The following LRIF1 variants were observed in gnomAD, a reference collection of about 807,000 sequenced individuals.
The protein encoded by LRIF1 is ligand dependent nuclear receptor interacting factor 1.
In LRIF1, 32 loss-of-function variants were observed where a neutral mutation model predicts 52.7. That is an observed-to-expected ratio of 0.61 (90% CI 0.46 to 0.82). The LOEUF is 0.82. Ranked by LOEUF, LRIF1 falls within the 40% of genes least tolerant of loss-of-function variation. The probability of loss-of-function intolerance (pLI) is 0.00; values close to 1 mark genes in which losing one functional copy is unlikely to be tolerated. For synonymous variants in LRIF1, 323 were observed against 317.4 expected (o/e 1.02, Z -0.19); for missense variants, 887 against 892.0 (o/e 0.99, Z 0.07).
chr1:110,909,006 C>A, the LRIF1 span, among the ~76,000 whole-genome samples: 1 of 152,006 alleles, frequency 6.6e-6, no homozygotes. Context: ...AGGTCATGTA[C>A]AAGGGCTAAC....
the LRIF1 span, among the ~76,000 whole-genome samples, chr1:110,931,162 G>C: frequency 1.3e-5 from 2 of 152,202 alleles, no homozygotes; most frequent in Non-Finnish European, 2.9e-5. Context: ...AGGCCCTGCT[G>C]TGTGATGTTC....
intron 3 of LRIF1, among the ~76,000 whole-genome samples, 195 bp from the exon 4 acceptor site, chr1:110,948,594 A>G (rs1192425919): frequency 1.3e-5 from 2 of 152,230 alleles, no homozygotes; most frequent in African/African-American, 4.8e-5. Context: ...ATATTCAGTA[A>G]GAAGAAATTG....
the LRIF1 span, among the ~76,000 whole-genome samples, chr1:110,904,446 G>C: frequency 6.6e-6 from 1 of 152,200 alleles, no homozygotes; most frequent in Admixed American, 6.5e-5. Context: ...GAAAGAGAGA[G>C]AGAATCCCTT....
chr1:110,928,521 G>A, the LRIF1 span, among the ~76,000 whole-genome samples: 14,072 of 152,116 alleles, frequency 0.093, 764 homozygotes, highest in African/African-American at 0.15. Flanking sequence ...CCCTTTGTGT[G>A]TCTTAAACTC....
At chr1:110,886,866 TATA>T in the LRIF1 span, among the ~76,000 whole-genome samples, 27,850 of 84,140 alleles carry the variant, frequency 0.33, 3,877 homozygotes, top group African/African-American at 0.46. Context: ...TATATATATA[TATA>T]TTTTTTTTTT....
the LRIF1 span, among the ~76,000 whole-genome samples, chr1:110,915,219 C>T: frequency 1.8e-4 from 28 of 152,208 alleles, no homozygotes; most frequent in Non-Finnish European, 4.4e-5. Context: ...GGCGCGGTGG[C>T]TCAAGCCTGT....
downstream of LRIF1, among the ~76,000 whole-genome samples, chr1:110,946,651 C>CT (rs1197301792): frequency 0.041 from 3,295 of 80,852 alleles, 100 homozygotes; most frequent in African/African-American, 0.067. Flanking sequence ...AGATTTGATC[C>CT]TTTTTTTTTT....
At chr1:110,956,619 CTAA>C (rs1658710299) in intron 1 of LRIF1, among the ~76,000 whole-genome samples, 1 of 152,178 alleles carries the variant, frequency 6.6e-6, no homozygotes, top group South Asian at 2.1e-4. Flanking sequence ...GCAATTTCAT[CTAA>C]TAATAAGTAC....
the LRIF1 span, chr1:110,899,255 T>C: frequency 8.3e-7 from 1 of 1,206,244 alleles, no homozygotes; most frequent in Non-Finnish European, 1.2e-6. Flanking sequence ...AAACCATTTA[T>C]AGCATGAAGC....
At chr1:110,896,750 T>G in the LRIF1 span, 1 of 1,607,144 alleles carries the variant, frequency 6.2e-7, no homozygotes, top group East Asian at 2.2e-5. Flanking sequence ...TTGTCGGCAA[T>G]GTTTCTGTTA....
the LRIF1 span, chr1:110,891,261 G>T: frequency 1.5e-6 from 1 of 665,796 alleles, no homozygotes. Flanking sequence ...GCAGAGTTTG[G>T]GGAAACTTTC....
At chr1:110,931,058 A>C in the LRIF1 span, among the ~76,000 whole-genome samples, 1 of 151,954 alleles carries the variant, frequency 6.6e-6, no homozygotes, top group Non-Finnish European at 1.5e-5. Flanking sequence ...ATAGGTATAC[A>C]TGTGCCATGC....
At chr1:110,931,513 C>A in the LRIF1 span, among the ~76,000 whole-genome samples, 1 of 152,122 alleles carries the variant, frequency 6.6e-6, no homozygotes, top group African/African-American at 2.4e-5. Flanking sequence ...AATGGGATTG[C>A]TGGGTCAAAT....
the LRIF1 span, among the ~76,000 whole-genome samples, chr1:110,923,075 C>T: frequency 4.6e-5 from 7 of 152,110 alleles, no homozygotes; most frequent in African/African-American, 1.4e-4. Flanking sequence ...GAGGCTGAGG[C>T]GGGCGGATTG....
chr1:110,955,482 A>G (rs1331871820), intron 1 of LRIF1, among the ~76,000 whole-genome samples: 1 of 152,202 alleles, frequency 6.6e-6, no homozygotes, highest in African/African-American at 2.4e-5. Flanking sequence ...CATTATTCTT[A>G]GAGTCGTAGG....
the LRIF1 span, among the ~76,000 whole-genome samples, chr1:110,909,718 T>C: frequency 6.6e-6 from 1 of 151,828 alleles, no homozygotes; most frequent in East Asian, 1.9e-4. Context: ...GTAGCTGGGA[T>C]TACAGGCATG....
rs780957828 is a variant in LRIF1, at chr1:110,951,741, T to C, written c.1143A>G (p.Gln381=). The C allele has an allele frequency of 4.3e-6, 7 of 1,613,582 alleles. No homozygotes were observed. The highest frequency in any genetic ancestry group is 5.1e-6 in the Non-Finnish European group (6 of 1,180,002). ...GAGTATCAGGAGAAACAGAATTCTGTTGGTCAATTTGTGATGGCAGAACAT... is the reference window on the plus strand; with the variant it reads ...GAGTATCAGGAGAAACAGAATTCTGCTGGTCAATTTGTGATGGCAGAACAT... ...GTDVLPSQID[Q]QNSVSPDTPV... The change falls in exon 2 of 4, where the codon CAA becomes CAG. Residue 381 remains glutamine (Q), a synonymous_variant. Transcript: ENST00000369763.
At position 110,958,005 on chromosome 1, in the gene LRIF1, T is replaced by C. The variant is rs6699922; in HGVS notation, c.69-5190A>G. Among the ~76,000 whole-genome samples the C allele has an allele frequency of 8.7e-3, 1,320 of 152,324 alleles. 21 individuals are homozygous for C. The highest frequency in any genetic ancestry group is 0.03 in the African/African-American group (1,249 of 41,562). ...TCTCATCCCTACAGTATTTTGCTGA[T>C]GTTGTTTTTCTGATTGCAGCCACTA... is the stretch of plus-strand genomic sequence containing the variant. On this transcript the variant is annotated intron_variant, in intron 1 of 3. Coordinates refer to ENST00000369763, the MANE Select transcript of LRIF1 (RefSeq NM_018372.4).
the LRIF1 span, chr1:110,892,787 T>C: frequency 1.2e-5 from 5 of 418,940 alleles, no homozygotes; most frequent in African/African-American, 4.1e-5. Flanking sequence ...TTTGTCATTA[T>C]TGTAATTCCC....
Sources: allele counts gnomAD v4.1 joint callset (sites outside exome capture counted in the v4.1 genomes callset), GRCh38; gene constraint gnomAD v4.1.1; transcripts MANE v1.5; gene names NCBI Gene and HGNC (gene_info 2026-07-23, HGNC 2026-07-21).